The following DOCK3 variants were observed in gnomAD, a reference collection of about 807,000 sequenced individuals.
DOCK3 encodes dedicator of cytokinesis 3, also known as dedicator of cytokinesis protein 3.
In DOCK3, 60 loss-of-function variants were observed where a neutral mutation model predicts 265.6. That is an observed-to-expected ratio of 0.23 (90% confidence interval 0.18 to 0.28). DOCK3 has a LOEUF of 0.28. Among genes scored for constraint, DOCK3 ranks in the 10% least tolerant of loss-of-function variants. The pLI, the probability that DOCK3 is intolerant of heterozygous loss-of-function variation, is 1.00. For missense variants in DOCK3, 1,981 were observed against 2,594.3 expected, an observed-to-expected ratio of 0.76 and a Z score of 5.14; for synonymous variants, 881 against 938.0, an observed-to-expected ratio of 0.94 and a Z score of 1.11.
chr3:51,106,227 C>T lies in DOCK3; in HGVS notation c.746+15843C>T, dbSNP rs199727596. 4.6e-5 allele frequency among the ~76,000 whole-genome samples: 7 copies of T among 152,348 alleles called. No homozygotes were observed. In the East Asian group the frequency reaches 1.2e-3, roughly 25 times the overall value. ...ACCTGAGCACCCCTCAGTTGGCTAG[C>T]CTCTCCCAGGGCCCCAGCCTGGCTG... On this transcript the variant is annotated intron_variant, in intron 9 of 52. Transcript: ENST00000266037.
At chr3:51,051,377 G>A (rs540683880) in intron 5 of DOCK3, among the ~76,000 whole-genome samples, 1 of 152,316 alleles carries the variant, frequency 6.6e-6, no homozygotes, top group Admixed American at 6.5e-5. Context: ...ACAACTAGAA[G>A]ACTTGTTGAT....
chr3:51,292,436 G>A (rs2081837690), intron 27 of DOCK3, among the ~76,000 whole-genome samples: 1 of 152,054 alleles, frequency 6.6e-6, no homozygotes, highest in Non-Finnish European at 1.5e-5. Flanking sequence ...CACCTAATTA[G>A]TTGTGTTTCT....
At chr3:51,107,411 C>T (rs2083327142) in intron 9 of DOCK3, among the ~76,000 whole-genome samples, 2 of 152,098 alleles carry the variant, frequency 1.3e-5, no homozygotes, top group African/African-American at 4.8e-5. Flanking sequence ...GAATGAAGAT[C>T]ATTGAGATTC....
At chr3:50,972,781 T>G (rs2077280168) in intron 5 of DOCK3, among the ~76,000 whole-genome samples, 1 of 152,238 alleles carries the variant, frequency 6.6e-6, no homozygotes, top group Non-Finnish European at 1.5e-5. Context: ...TGTCTGTTTT[T>G]GTACCAGTAC....
intron 5 of DOCK3, among the ~76,000 whole-genome samples, chr3:50,940,306 A>T (rs1308562428): frequency 6.7e-6 from 1 of 149,438 alleles, no homozygotes; most frequent in Non-Finnish European, 1.5e-5. Flanking sequence ...AAAAAAAAAA[A>T]AGGAAGAAGG....
chr3:51,380,326 C>G, intron 52 of DOCK3, 119 bp downstream of exon 52: 1 of 981,922 alleles, frequency 1.0e-6, no homozygotes, highest in Non-Finnish European at 1.5e-6. Context: ...CTCTCCCCAG[C>G]CTGGCAGAAG....
intron 5 of DOCK3, among the ~76,000 whole-genome samples, chr3:51,021,873 G>A (rs974216869): frequency 2.0e-5 from 3 of 152,020 alleles, no homozygotes; most frequent in African/African-American, 7.2e-5. Context: ...GTGTTGGCCA[G>A]GCTGGTCTCG....
chr3:50,695,624 G>A (rs576482649), intron 1 of DOCK3, among the ~76,000 whole-genome samples: 3 of 152,264 alleles, frequency 2.0e-5, no homozygotes, highest in East Asian at 3.9e-4. Context: ...GACTCAAAGA[G>A]CGCTAAGCAC....
At chr3:50,859,869 G>A (rs937239796) in intron 3 of DOCK3, among the ~76,000 whole-genome samples, 4 of 152,176 alleles carry the variant, frequency 2.6e-5, no homozygotes, top group African/African-American at 4.8e-5. Flanking sequence ...TCTCAATGCT[G>A]TGGAAGTGTG....
At chr3:51,128,941 C>A (rs1355853773) in intron 9 of DOCK3, among the ~76,000 whole-genome samples, 2 of 152,194 alleles carry the variant, frequency 1.3e-5, no homozygotes, top group Non-Finnish European at 2.9e-5. Context: ...ATCCTATCTA[C>A]TTGATTATTA....
intron 1 of DOCK3, among the ~76,000 whole-genome samples, chr3:50,745,712 G>A (rs914950014): frequency 5.3e-5 from 8 of 152,184 alleles, no homozygotes; most frequent in Non-Finnish European, 1.0e-4. Flanking sequence ...TGTTGCAGAG[G>A]GGATGAGGAA....
chr3:50,960,704 A>C (rs1398740297), intron 5 of DOCK3, among the ~76,000 whole-genome samples: 7 of 152,052 alleles, frequency 4.6e-5, no homozygotes, highest in Non-Finnish European at 7.4e-5. Context: ...ATGAAGTCCT[A>C]GTTTATCCAT....
intron 3 of DOCK3, among the ~76,000 whole-genome samples, chr3:50,874,555 A>G (rs2047608084): frequency 6.6e-6 from 1 of 151,988 alleles, no homozygotes. Flanking sequence ...CATTTTAACA[A>G]TATTAATTAT....
chr3:50,749,875 T>A (rs114297216), intron 1 of DOCK3, among the ~76,000 whole-genome samples: 264 of 152,374 alleles, frequency 1.7e-3, no homozygotes, highest in Non-Finnish European at 3.2e-3. Flanking sequence ...GTTAATTTTC[T>A]GTCTTCCATT....
At chr3:51,290,836 T>G (rs367562855) in intron 27 of DOCK3, among the ~76,000 whole-genome samples, 2 of 152,180 alleles carry the variant, frequency 1.3e-5, no homozygotes, top group South Asian at 2.1e-4. Flanking sequence ...ATCCCAGCAC[T>G]GTAGGAGGCC....
At chr3:51,167,931 T>G (rs756633130) in intron 12 of DOCK3, among the ~76,000 whole-genome samples, 1 of 152,210 alleles carries the variant, frequency 6.6e-6, no homozygotes, top group Non-Finnish European at 1.5e-5. Context: ...TGTGTCTAAT[T>G]TTTGTTTGCC....
intron 5 of DOCK3, among the ~76,000 whole-genome samples, chr3:50,953,766 A>G (rs1231941192): frequency 6.6e-6 from 1 of 152,148 alleles, no homozygotes; most frequent in Non-Finnish European, 1.5e-5. Flanking sequence ...GGGCAAAGAG[A>G]GTGAATTTGG....
At chr3:50,836,157 G>C (rs909586665) in intron 2 of DOCK3, among the ~76,000 whole-genome samples, 4 of 152,178 alleles carry the variant, frequency 2.6e-5, no homozygotes, top group African/African-American at 9.7e-5. Context: ...AATTCCTGGG[G>C]ATCCCATTCT....
At chr3:51,363,610 ATATCTCCTAATGC>A (rs2086900753) in intron 49 of DOCK3, among the ~76,000 whole-genome samples, 1 of 152,166 alleles carries the variant, frequency 6.6e-6, no homozygotes, top group Non-Finnish European at 1.5e-5. Flanking sequence ...TACATTAGGT[ATATCTCCTAATGC>A]TATCCCTCCC....
Sources: allele counts gnomAD v4.1 joint callset (sites outside exome capture counted in the v4.1 genomes callset), GRCh38; gene constraint gnomAD v4.1.1; transcripts MANE v1.5; gene names NCBI Gene and HGNC (gene_info 2026-07-23, HGNC 2026-07-21).